The following TCERG1L variants were observed in gnomAD, a reference collection of about 807,000 sequenced individuals.
The protein encoded by TCERG1L is transcription elongation regulator 1 like, also known as transcription elongation regulator 1-like protein.
Under a neutral mutation model 56.3 loss-of-function variants are expected in TCERG1L, and 37 were observed. The observed-to-expected ratio is 0.66, with a 90% CI of 0.51 to 0.87. TCERG1L has a LOEUF of 0.87. Ranked by LOEUF, TCERG1L falls within the 40% of genes least tolerant of loss-of-function variation. TCERG1L has a pLI of 0.00. For missense variants in TCERG1L, 799 were observed against 774.2 expected, an observed-to-expected ratio of 1.03 and a Z score of -0.38; for synonymous variants, 324 against 326.3, an observed-to-expected ratio of 0.99 and a Z score of 0.08.
At chr10:131,164,707 G>C (rs1431552417) in intron 5 of TCERG1L, among the ~76,000 whole-genome samples, 4 of 152,114 alleles carry the variant, frequency 2.6e-5, no homozygotes, top group African/African-American at 4.8e-5. Context: ...GGTGCAATTA[G>C]AATACTCAAT....
intron 8 of TCERG1L, among the ~76,000 whole-genome samples, chr10:131,120,136 A>G (rs1485134190): frequency 6.6e-6 from 1 of 151,700 alleles, no homozygotes; most frequent in East Asian, 1.9e-4. Context: ...GAGCTTGCCA[A>G]TCGATCTGTT....
At chr10:131,107,562 C>T (rs1025845455) in intron 9 of TCERG1L, among the ~76,000 whole-genome samples, 4 of 152,118 alleles carry the variant, frequency 2.6e-5, no homozygotes, top group African/African-American at 9.7e-5. Context: ...CAGGGTCTTT[C>T]CCTGCCCTCC....
chr10:131,103,211 G>A lies in TCERG1L; in HGVS notation c.1485+1054C>T, dbSNP rs1256576008. On this transcript the variant is annotated intron_variant, in intron 10 of 11. Transcript: ENST00000368642. This position sits in a 1 kb window ranked among gnomAD's most constrained non-coding sequence, Gnocchi z 4.3. ...TGGGAATACACATGCCATCGTAAAT[G>A]ACAAGAATATTCAGGGAGGTAAAAA... is the stretch of plus-strand genomic sequence containing the variant. Among the ~76,000 whole-genome samples, 3 of 151,878 alleles carry A rather than the reference G, an allele frequency of 2.0e-5. No homozygotes were observed. Among genetic ancestry groups the A allele is most frequent in the Admixed American group, 6.6e-5 (1 of 15,244 alleles).
intron 4 of TCERG1L, among the ~76,000 whole-genome samples, chr10:131,225,971 G>A (rs910440519): frequency 6.6e-6 from 1 of 152,126 alleles, no homozygotes; most frequent in East Asian, 1.9e-4. Context: ...AGGGTCTCAC[G>A]CTGTCATCCA....
chr10:131,235,495 CATTTCTA>C (rs1243227517), intron 4 of TCERG1L, among the ~76,000 whole-genome samples: 1 of 152,148 alleles, frequency 6.6e-6, no homozygotes, highest in Non-Finnish European at 1.5e-5. Flanking sequence ...GTGTTTGCAT[CATTTCTA>C]ATGATAAAGA....
chr10:131,184,281 A>G (rs558798431), intron 4 of TCERG1L, among the ~76,000 whole-genome samples: 2 of 152,222 alleles, frequency 1.3e-5, no homozygotes, highest in Non-Finnish European at 2.9e-5. Flanking sequence ...CTGAAAACAG[A>G]AGTCATGTCT....
At position 131,311,276 on chromosome 10, in the gene TCERG1L, G is replaced by A. The variant is rs1360255801; in HGVS notation, c.342+18C>T. ...GGGAGACGGCGACCCGGGCCGAGGCGGGACGGGGACACGTTACCTGCCCGT... is the reference window on the plus strand; with the variant it reads ...GGGAGACGGCGACCCGGGCCGAGGCAGGACGGGGACACGTTACCTGCCCGT... On this transcript the variant is annotated intron_variant, in intron 1 of 11. Coordinates refer to ENST00000368642, the MANE Select transcript of TCERG1L (RefSeq NM_174937.4). The surrounding 1 kb of genome is among the most constrained non-coding windows in gnomAD (Gnocchi z 4.0). 11 of 1,202,734 alleles carry A rather than the reference G, an allele frequency of 9.1e-6. No individual in the cohort carries two copies. The highest frequency in any genetic ancestry group is 1.1e-5 in the Non-Finnish European group (11 of 969,186). The allele number at this position is 1,202,734 out of a possible 1,614,324, so 74.5% of individuals were successfully genotyped here.
chr10:131,213,973 C>T (rs1866354), intron 4 of TCERG1L, among the ~76,000 whole-genome samples: 7,745 of 152,248 alleles, frequency 0.051, 525 homozygotes, highest in African/African-American at 0.16. Flanking sequence ...GGAAGTCAGT[C>T]AGTTTAACTC....
intron 8 of TCERG1L, among the ~76,000 whole-genome samples, chr10:131,126,388 A>T (rs1055171193): frequency 6.6e-6 from 1 of 152,168 alleles, no homozygotes; most frequent in Non-Finnish European, 1.5e-5. Flanking sequence ...GAAGAGCTGA[A>T]GTCTCTCCCA....
At chr10:131,290,648 A>C (rs1316094231) in intron 3 of TCERG1L, among the ~76,000 whole-genome samples, 1 of 152,098 alleles carries the variant, frequency 6.6e-6, no homozygotes, top group African/African-American at 2.4e-5. Flanking sequence ...AAAAAAAAAA[A>C]AAAACCTTAA....
chr10:131,199,099 C>T (rs1037582873), intron 4 of TCERG1L, among the ~76,000 whole-genome samples: 2 of 152,214 alleles, frequency 1.3e-5, no homozygotes, highest in African/African-American at 2.4e-5. Context: ...GGGCCTGGCT[C>T]TCTGGGCCTG....
intron 8 of TCERG1L, among the ~76,000 whole-genome samples, chr10:131,128,800 G>C (rs61862993): frequency 1.3e-5 from 2 of 152,106 alleles, no homozygotes; most frequent in Non-Finnish European, 1.5e-5. Flanking sequence ...TAGATCATCT[G>C]CTTGCATCAC....
chr10:131,109,673 A>C (rs1845391571), intron 9 of TCERG1L, among the ~76,000 whole-genome samples: 1 of 152,122 alleles, frequency 6.6e-6, no homozygotes, highest in African/African-American at 2.4e-5. Flanking sequence ...GAATCACGAG[A>C]GTGGGAACTG....
chr10:131,203,180 C>T lies in TCERG1L; in HGVS notation c.857-36295G>A, dbSNP rs531616428. ...AGTAGTGACAGTGTTCATGGATATG[C>T]GTATACCTGTCTTCAGCCCTCCGAG... is the stretch of plus-strand genomic sequence containing the variant. On this transcript the variant is annotated intron_variant, in intron 4 of 11. Coordinates refer to ENST00000368642, the MANE Select transcript of TCERG1L (RefSeq NM_174937.4). Among the ~76,000 whole-genome samples the T allele has an allele frequency of 6.8e-4, 103 of 152,258 alleles. 1 individual carries two copies. The highest frequency in any genetic ancestry group is 2.0e-3 in the African/African-American group (83 of 41,548).
intron 4 of TCERG1L, among the ~76,000 whole-genome samples, chr10:131,234,912 C>T (rs1395940260): frequency 1.3e-5 from 2 of 152,204 alleles, no homozygotes; most frequent in Non-Finnish European, 2.9e-5. Context: ...TCATGTTGGC[C>T]AGGATGGTCT....
In TCERG1L at chr10:131,225,398, G is replaced by T. The variant is rs79050062; in HGVS notation, c.856+34861C>A. Among the ~76,000 whole-genome samples the T allele has an allele frequency of 3.3e-3, 506 of 152,270 alleles. 7 individuals are homozygous for T. In the East Asian group the frequency reaches 0.034, roughly 10 times the overall value. ...CGGGAAGACCATTGCACCTGTGTTT[G>T]TAAGTACACCATTCTACCCACCTGA... On this transcript the variant is annotated intron_variant, in intron 4 of 11. Transcript: ENST00000368642.
intron 3 of TCERG1L, 134 bp downstream of exon 3, chr10:131,308,077 G>T: frequency 9.6e-7 from 1 of 1,039,018 alleles, no homozygotes; most frequent in Non-Finnish European, 1.4e-6. Context: ...AAAGCTTCAT[G>T]CTTGTGAAAA....
At chr10:131,212,325 A>T (rs1331868177) in intron 4 of TCERG1L, among the ~76,000 whole-genome samples, 2 of 152,244 alleles carry the variant, frequency 1.3e-5, no homozygotes, top group Non-Finnish European at 2.9e-5. Context: ...TGGTGTCCAC[A>T]TCCATGGCCT....
chr10:131,100,762 TC>T (rs1448189683), intron 10 of TCERG1L, among the ~76,000 whole-genome samples: 1 of 152,172 alleles, frequency 6.6e-6, no homozygotes, highest in Admixed American at 6.5e-5. Flanking sequence ...TGACACCAGG[TC>T]CTGTACAGAT....
Sources: gnomAD v4.1 joint callset for allele counts (sites outside exome capture counted in the v4.1 genomes callset) on GRCh38, gnomAD v4.1.1 for gene constraint, Gnocchi (gnomAD v3.1) non-coding constraint, MANE v1.5 for transcripts, NCBI Gene and HGNC (gene_info 2026-07-23, HGNC 2026-07-21) for gene names.